The following CLDN14 variants were observed in gnomAD, a reference collection of about 807,000 sequenced individuals.
CLDN14 encodes the protein claudin 14, also known as claudin-14.
A neutral mutation model predicts 2.1 loss-of-function variants in CLDN14; 2 were observed. The ratio of observed to expected loss-of-function variants is 0.96; its 90% confidence interval spans 0.39 to 3.01. CLDN14 has a LOEUF of 3.01. Ranked by LOEUF, CLDN14 falls within the 30% of genes most tolerant of loss-of-function variation. CLDN14 has a pLI of 0.09. For synonymous variants in CLDN14, 136 were observed against 154.4 expected (o/e 0.88, Z 0.88); for missense variants, 298 against 328.0 (o/e 0.91, Z 0.71).
At chr21:36,501,231 T>C (rs192469128) in intron 2 of CLDN14, among the ~76,000 whole-genome samples, 2 of 151,786 alleles carry the variant, frequency 1.3e-5, no homozygotes, top group East Asian at 3.9e-4. Context: ...CTGCCCAGTT[T>C]ATATCAGCAA....
At chr21:36,523,132 C>T (rs886718586) in intron 1 of CLDN14, among the ~76,000 whole-genome samples, 1 of 152,152 alleles carries the variant, frequency 6.6e-6, no homozygotes, top group African/African-American at 2.4e-5. Flanking sequence ...TGATTGTCTG[C>T]GCCCAGGAGT....
intron 1 of CLDN14, among the ~76,000 whole-genome samples, chr21:36,468,623 G>T (rs1028207451): frequency 1.6e-4 from 10 of 63,812 alleles, no homozygotes; most frequent in African/African-American, 8.7e-4. Flanking sequence ...AATAAACTCA[G>T]GGGAGATTTG....
chr21:36,538,489 C>T (rs997168175), intron 1 of CLDN14, among the ~76,000 whole-genome samples: 1 of 152,134 alleles, frequency 6.6e-6, no homozygotes, highest in African/African-American at 2.4e-5. Context: ...TGGCACACAC[C>T]TTTAATCCCA....
intron 1 of CLDN14, among the ~76,000 whole-genome samples, chr21:36,554,985 A>T (rs956134320): frequency 1.3e-5 from 2 of 152,146 alleles, no homozygotes; most frequent in Non-Finnish European, 2.9e-5. Context: ...TCTTCAACAC[A>T]CTGCAGGGTC....
intron 1 of CLDN14, among the ~76,000 whole-genome samples, chr21:36,464,433 C>T (rs2086620043): frequency 6.6e-6 from 1 of 152,196 alleles, no homozygotes; most frequent in Admixed American, 6.5e-5. Context: ...GTTCACAGCC[C>T]AGAATTTGCC....
chr21:36,555,544 C>T (rs1024314590), intron 1 of CLDN14, among the ~76,000 whole-genome samples: 2 of 152,170 alleles, frequency 1.3e-5, no homozygotes, highest in Admixed American at 6.5e-5. Flanking sequence ...CAGGAGCCCA[C>T]GGGGCTTTGC....
At chr21:36,508,976 C>T (rs1000350048) in intron 2 of CLDN14, among the ~76,000 whole-genome samples, 6 of 152,190 alleles carry the variant, frequency 3.9e-5, no homozygotes, top group Admixed American at 6.5e-5. Flanking sequence ...GTAAAGAAGC[C>T]GCTGAGGCTG....
intron 2 of CLDN14, among the ~76,000 whole-genome samples, chr21:36,496,450 A>G (rs1463699571): frequency 6.6e-6 from 1 of 150,744 alleles, no homozygotes; most frequent in Non-Finnish European, 1.5e-5. Context: ...AAAAAAAAAA[A>G]AAAAAAAGTC....
chr21:36,539,549 G>A (rs111213023), intron 1 of CLDN14, among the ~76,000 whole-genome samples: 2 of 148,666 alleles, frequency 1.3e-5, no homozygotes, highest in African/African-American at 5.0e-5. Flanking sequence ...AGTGTGTGTG[G>A]AGTGTGTGTG....
rs181926471 is a variant in CLDN14 at position 36,539,036 on chromosome 21, C to T, written c.-219-28536G>A. Among the ~76,000 whole-genome samples, 229 of 152,334 alleles carry T rather than the reference C, an allele frequency of 1.5e-3. 1 individual carries two copies. Among genetic ancestry groups the T allele is most frequent in the African/African-American group, 5.2e-3 (218 of 41,566 alleles). On this transcript the variant is annotated intron_variant, in intron 1 of 2. Coordinates refer to the CLDN14 transcript ENST00000342108. ...CAGGGCCCTAAATGTGGATTCAGAG[C>T]TGGACAGCATCCGCTGACCCCACTC...
chr21:36,465,140 C>T (rs1464031631), intron 1 of CLDN14, among the ~76,000 whole-genome samples: 2 of 152,190 alleles, frequency 1.3e-5, no homozygotes, highest in African/African-American at 4.8e-5. Context: ...CTCCGAATGG[C>T]CTCTGAGATC....
rs554395645 is a variant in CLDN14 at position 36,562,459 on chromosome 21, T to C, written c.-220+13952A>G. Among the ~76,000 whole-genome samples, 7 of 152,222 alleles carry C rather than the reference T, an allele frequency of 4.6e-5. No individual in the cohort carries two copies. The South Asian group carries it at 6.2e-4, about 14-fold the overall frequency. On this transcript the variant is annotated intron_variant, in intron 1 of 2. Coordinates refer to the CLDN14 transcript ENST00000342108. ...AAGTACTAAGCTTATTCCCATTTTC[T>C]GGCTCTTAAACCATAACAAGACCTC...
intron 1 of CLDN14, among the ~76,000 whole-genome samples, chr21:36,555,889 T>C (rs1007418652): frequency 5.9e-5 from 9 of 151,436 alleles, no homozygotes; most frequent in African/African-American, 2.2e-4. Context: ...ACGCACAGCA[T>C]AGGGACACTT....
chr21:36,486,986 AT>A (rs57062881), intron 2 of CLDN14: 25,994 of 279,270 alleles, frequency 0.093, 203 homozygotes, highest in South Asian at 0.13. Flanking sequence ...ATTTTGTTTA[AT>A]TTTTTTTTTT....
chr21:36,537,126 G>T (rs990587470), intron 1 of CLDN14, among the ~76,000 whole-genome samples: 1 of 152,206 alleles, frequency 6.6e-6, no homozygotes, highest in African/African-American at 2.4e-5. Flanking sequence ...GGAGGTGGAG[G>T]TTGCAGTGAG....
At chr21:36,467,465 T>G (rs2086660490) in intron 1 of CLDN14, among the ~76,000 whole-genome samples, 1 of 152,162 alleles carries the variant, frequency 6.6e-6, no homozygotes, top group African/African-American at 2.4e-5. Flanking sequence ...CTTTCTCTAG[T>G]TCTTCAGGGT....
chr21:36,515,180 A>C (rs2087217844), intron 1 of CLDN14, among the ~76,000 whole-genome samples: 1 of 152,208 alleles, frequency 6.6e-6, no homozygotes, highest in African/African-American at 2.4e-5. Flanking sequence ...CAGAACTATT[A>C]CATGGCCCAG....
At chr21:36,508,776 C>G (rs1413431102) in intron 2 of CLDN14, among the ~76,000 whole-genome samples, 1 of 152,180 alleles carries the variant, frequency 6.6e-6, no homozygotes, top group Non-Finnish European at 1.5e-5. Context: ...GTTGGAGAGA[C>G]AATGGTCTTT....
intron 1 of CLDN14, among the ~76,000 whole-genome samples, chr21:36,516,639 A>C (rs982863873): frequency 1.3e-5 from 2 of 152,248 alleles, no homozygotes; most frequent in Admixed American, 6.5e-5. Flanking sequence ...TTTGAATTGC[A>C]AAAAGATTCT....
Sources: allele counts gnomAD v4.1 joint callset (sites outside exome capture counted in the v4.1 genomes callset), GRCh38; gene constraint gnomAD v4.1.1; transcripts MANE v1.5; gene names NCBI Gene and HGNC (gene_info 2026-07-23, HGNC 2026-07-21).